The following EMX1 variants were observed in gnomAD, a reference collection of about 807,000 sequenced individuals.
EMX1 encodes the protein homeobox protein EMX1.
A neutral mutation model predicts 20.1 loss-of-function variants in EMX1; 10 were observed. The observed-to-expected ratio is 0.50, with a 90% CI of 0.31 to 0.84. The LOEUF is 0.84. EMX1 is among the 40% of genes least tolerant of loss of function. The pLI, the probability that EMX1 is intolerant of heterozygous loss-of-function variation, is 0.05. For synonymous variants in EMX1, 250 were observed against 200.4 expected (o/e 1.25, Z -2.09); for missense variants, 424 against 431.9 (o/e 0.98, Z 0.16).
At position 72,918,166 on chromosome 2, in the gene EMX1, C is replaced by A; in HGVS notation, c.314C>A (p.Ala105Glu). ...FVSGFPAAAA[A>E]GAGRSLYGGP... ...AGTGGCTTCCCTGCCGCGGCCGCCG[C>A]GGGCGCGGGCCGCTCGCTCTACGGT... The change falls in exon 1 of 3, where the codon GCG (alanine) becomes GAG (glutamate). Residue 105 changes from alanine (A) to glutamate (E), a missense_variant. Ala to Glu is a moderately radical substitution (Grantham distance 107). Transcript: ENST00000258106. 2 of 1,505,366 alleles carry A rather than the reference C, an allele frequency of 1.3e-6. No homozygotes were observed. Among genetic ancestry groups the A allele is most frequent in the Non-Finnish European group, 1.8e-6 (2 of 1,142,454 alleles). The allele number at this position is 1,505,366 out of a possible 1,614,324, so 93.3% of individuals were successfully genotyped here. A position where few individuals can be genotyped will look rare whatever the true frequency, so the allele number is the denominator to read the frequency against.
intron 2 of EMX1, chr2:72,926,400 A>G: frequency 1.5e-6 from 1 of 680,708 alleles, no homozygotes; most frequent in Non-Finnish European, 1.8e-6. Flanking sequence ...TTAACTATCA[A>G]AACTCAGGGC....
rs530586900 is a variant in EMX1 at position 72,919,022 on chromosome 2, C to G, written c.520+650C>G. Among the ~76,000 whole-genome samples the G allele has an allele frequency of 3.9e-5, 6 of 152,358 alleles. No homozygotes were observed. In the South Asian group the frequency reaches 1.2e-3, roughly 32 times the overall value. ...AAGCAAACTGGCTTCCGCCGTTGCT[C>G]GCCGCCTTCGGGAGGGAGCCCACCC... On this transcript the variant is annotated intron_variant, in intron 1 of 2. Coordinates refer to ENST00000258106, the MANE Select transcript of EMX1 (RefSeq NM_004097.3).
chr2:72,918,283 C>A lies in EMX1; in HGVS notation c.431C>A (p.Pro144Gln), dbSNP rs760283603. 3.8e-6 allele frequency: 6 copies of A among 1,576,064 alleles called. No homozygotes were observed. The highest frequency in any genetic ancestry group is 5.1e-6 in the Non-Finnish European group (6 of 1,171,756). The change falls in exon 1 of 3, where the codon CCG (proline) becomes CAG (glutamine). Residue 144 changes from proline to glutamine, a missense_variant. Coordinates refer to ENST00000258106, the MANE Select transcript of EMX1 (RefSeq NM_004097.3). ...CTGGGCGCCTCCCCGCTGCAGCCCC[C>A]GCACTCCTTCTTCGGCGCCCAGCAC... ...HQLGASPLQPPHSFFGAQHRD... is the reference protein window; with the variant it reads ...HQLGASPLQPQHSFFGAQHRD...
chr2:72,927,985 T>C (rs1671230712), intron 2 of EMX1, among the ~76,000 whole-genome samples: 1 of 152,228 alleles, frequency 6.6e-6, no homozygotes, highest in South Asian at 2.1e-4. Flanking sequence ...GGATAAAACT[T>C]CTCGGAGGGT....
In EMX1 at chr2:72,931,673, C is replaced by T. The variant is rs187597748; in HGVS notation, c.706-2114C>T. 8.5e-5 allele frequency among the ~76,000 whole-genome samples: 13 copies of T among 152,374 alleles called. No individual in the cohort carries two copies. In the East Asian group the frequency reaches 2.1e-3, roughly 25 times the overall value. ...TGCCCAGAGCCTCTGCCATCCTCCA[C>T]GGCCGGCCTAGGTGAGATGTGCAGG... is the stretch of plus-strand genomic sequence containing the variant. On this transcript the variant is annotated intron_variant, in intron 2 of 2. Transcript: ENST00000258106.
intron 2 of EMX1, chr2:72,926,366 A>C: frequency 1.1e-6 from 1 of 890,708 alleles, no homozygotes; most frequent in Non-Finnish European, 1.3e-6. Context: ...ACCAGATAGA[A>C]TAACATAAAC....
At chr2:72,924,112 T>G (rs1465130308) in intron 1 of EMX1, 197 bp from the exon 2 acceptor site, 4 of 660,480 alleles carry the variant, frequency 6.1e-6, no homozygotes, top group Non-Finnish European at 1.1e-5. Flanking sequence ...CGGGGAGGTG[T>G]TGCGGAGGGG....
At chr2:72,926,371 A>G in intron 2 of EMX1, 5 of 857,240 alleles carry the variant, frequency 5.8e-6, no homozygotes, top group Non-Finnish European at 7.0e-6. Context: ...ATAGAATAAC[A>G]TAAACGTATC....
upstream of EMX1, chr2:72,916,403 T>C (rs1256557034): frequency 2.0e-6 from 1 of 493,724 alleles, no homozygotes; most frequent in Non-Finnish European, 3.6e-6. Flanking sequence ...CTCTCCGCAG[T>C]GCGCCGGCAA....
At position 72,924,358 on chromosome 2, in the gene EMX1, C is replaced by A; in HGVS notation, c.570C>A (p.Arg190=). 1 of 1,587,526 alleles carries A rather than the reference C, an allele frequency of 6.3e-7. No homozygotes were observed. The highest frequency in any genetic ancestry group is 1.8e-5 in the Admixed American group (1 of 56,722). The part of the protein sequence containing the change: ...DGLLLHGPFA[R]KPKRIRTAFS... ...TGCTTCTGCACGGCCCCTTCGCACG[C>A]AAGCCCAAGCGGATCCGCACGGCCT... is the stretch of plus-strand genomic sequence containing the variant. Residue 190 remains arginine, a synonymous_variant, in exon 2 of 3, where the codon CGC becomes CGA. Coordinates refer to ENST00000258106, the MANE Select transcript of EMX1 (RefSeq NM_004097.3).
intron 1 of EMX1, among the ~76,000 whole-genome samples, chr2:72,920,902 G>C (rs1292060797): frequency 6.6e-6 from 1 of 152,224 alleles, no homozygotes; most frequent in African/African-American, 2.4e-5. Flanking sequence ...GGGGGCTGTA[G>C]AGACCCAGCC....
At chr2:72,925,194 G>A (rs1671176558) in intron 2 of EMX1, among the ~76,000 whole-genome samples, 1 of 152,244 alleles carries the variant, frequency 6.6e-6, no homozygotes, top group South Asian at 2.1e-4. Flanking sequence ...GTACTCAGGT[G>A]CTTCTCTGAA....
Position 72,934,043 on chromosome 2 carries a change from C to T in EMX1, c.*89C>T. ...GCCCAAGCTGGACTCTGGCCACTCC[C>T]TGGCCAGGCTTTGGGGAGGCCTGGA... is the stretch of plus-strand genomic sequence containing the variant. On this transcript the variant is annotated 3_prime_UTR_variant, in exon 3 of 3. Transcript: ENST00000258106. 2.6e-6 allele frequency: 4 copies of T among 1,535,246 alleles called. No homozygotes were observed. Among genetic ancestry groups the T allele is most frequent in the Non-Finnish European group, 3.5e-6 (4 of 1,133,160 alleles).
At chr2:72,920,649 G>A (rs1365739127) in intron 1 of EMX1, among the ~76,000 whole-genome samples, 3 of 152,262 alleles carry the variant, frequency 2.0e-5, no homozygotes, top group Non-Finnish European at 4.4e-5. Context: ...GAACGAAAAG[G>A]AACATGTCTG....
upstream of EMX1, chr2:72,916,320 C>G (rs543708732): frequency 7.0e-6 from 2 of 285,756 alleles, no homozygotes; most frequent in Non-Finnish European, 1.3e-5. Context: ...CCCAGATCTG[C>G]GCGCCCAGGC....
At chr2:72,920,399 C>T (rs1671080322) in intron 1 of EMX1, among the ~76,000 whole-genome samples, 1 of 152,210 alleles carries the variant, frequency 6.6e-6, no homozygotes, top group South Asian at 2.1e-4. Context: ...ATTTTCGGAC[C>T]CGGAAATCCG....
At chr2:72,921,195 T>C (rs750744636) in intron 1 of EMX1, among the ~76,000 whole-genome samples, 1 of 152,158 alleles carries the variant, frequency 6.6e-6, no homozygotes, top group Non-Finnish European at 1.5e-5. Context: ...TTCCCAGCCA[T>C]TGCCTTGAAG....
chr2:72,924,523 C>T, intron 2 of EMX1, 30 bp downstream of exon 2: 3 of 1,529,624 alleles, frequency 2.0e-6, no homozygotes, highest in Non-Finnish European at 1.8e-6. Flanking sequence ...GCCTGCCCTG[C>T]GCCCGGAGCC....
In EMX1 at chr2:72,918,293, C is replaced by T. The variant is rs934017352; in HGVS notation, c.441C>T (p.Phe147=). The T allele has an allele frequency of 2.5e-6, 4 of 1,574,854 alleles. No individual in the cohort carries two copies. The African/African-American group carries it at 4.2e-5, about 16-fold the overall frequency. ...CCCCGCTGCAGCCCCCGCACTCCTTCTTCGGCGCCCAGCACCGGGACCCTC... is the reference window on the plus strand; with the variant it reads ...CCCCGCTGCAGCCCCCGCACTCCTTTTTCGGCGCCCAGCACCGGGACCCTC... The part of the protein sequence containing the change: ...GASPLQPPHS[F]FGAQHRDPLH... The change falls in exon 1 of 3, where the codon TTC becomes TTT. Residue 147 remains phenylalanine (F), a synonymous_variant. Coordinates refer to ENST00000258106, the MANE Select transcript of EMX1 (RefSeq NM_004097.3).
Sources: gnomAD v4.1 joint callset for allele counts (sites outside exome capture counted in the v4.1 genomes callset) on GRCh38, gnomAD v4.1.1 for gene constraint, MANE v1.5 for transcripts, NCBI Gene and HGNC (gene_info 2026-07-23, HGNC 2026-07-21) for gene names.